Variants in MYOZ3 observed in about 807,000 individuals in gnomAD.
The protein encoded by MYOZ3 is myozenin 3, also known as myozenin-3.
A neutral mutation model predicts 26.5 loss-of-function variants in MYOZ3; 19 were observed. The observed-to-expected ratio is 0.72, with a 90% CI of 0.50 to 1.05. The LOEUF (loss-of-function observed/expected upper bound fraction) is 1.05, where lower values mean the gene tolerates loss of function less well. MYOZ3 is among the 50% of genes least tolerant of loss of function. The pLI, the probability that MYOZ3 is intolerant of heterozygous loss-of-function variation, is 0.00. For synonymous variants in MYOZ3, 135 were observed against 138.8 expected, an observed-to-expected ratio of 0.97 and a Z score of 0.19; for missense variants, 322 against 337.1, an observed-to-expected ratio of 0.96 and a Z score of 0.35.
chr5:150,672,024 A>G (rs1758923873), intron 5 of MYOZ3, 116 bp downstream of exon 5: 3 of 1,350,038 alleles, frequency 2.2e-6, no homozygotes, highest in Middle Eastern at 2.2e-4. Flanking sequence ...CCCAACACAC[A>G]CGCGCACGCG....
intron 2 of MYOZ3, among the ~76,000 whole-genome samples, 155 bp downstream of exon 2, chr5:150,663,157 T>A (rs1212495516): frequency 6.6e-6 from 1 of 152,242 alleles, no homozygotes; most frequent in Non-Finnish European, 1.5e-5. Flanking sequence ...CTGCCTAGGC[T>A]GGGAAGCTTC....
intron 3 of MYOZ3, chr5:150,670,905 A>AAAAAAAAAAAGCT (rs1758896048): frequency 3.7e-6 from 1 of 267,812 alleles, no homozygotes; most frequent in African/African-American, 2.2e-5. Context: ...AAAAAAAAAA[A>AAAAAAAAAAAGCT]AAAAGCTAAG....
At chr5:150,665,704 T>C (rs1758797530) in intron 2 of MYOZ3, among the ~76,000 whole-genome samples, 1 of 152,042 alleles carries the variant, frequency 6.6e-6, no homozygotes, top group African/African-American at 2.4e-5. Flanking sequence ...GCTGGGATTA[T>C]AGTTGTGAGC....
At chr5:150,671,545 TC>T in intron 3 of MYOZ3, 51 bp from the exon 4 acceptor site, 1 of 1,602,890 alleles carries the variant, frequency 6.2e-7, no homozygotes, top group Non-Finnish European at 8.5e-7. Context: ...AGAACCCTGG[TC>T]CCCTGCCCCG....
At chr5:150,661,176 G>A (rs1023178800), upstream of MYOZ3, 6 of 152,420 alleles carry the variant, frequency 3.9e-5, no homozygotes, top group Non-Finnish European at 7.3e-5. Flanking sequence ...TCTTCCCTAG[G>A]GTCTGGTGCT....
chr5:150,666,470 C>T (rs1300205182), intron 2 of MYOZ3, among the ~76,000 whole-genome samples: 1 of 151,588 alleles, frequency 6.6e-6, no homozygotes, highest in Non-Finnish European at 1.5e-5. Context: ...AAAAATTAGC[C>T]GTGCGTGGTG....
intron 2 of MYOZ3, among the ~76,000 whole-genome samples, chr5:150,666,629 AAAT>A (rs1403976401): frequency 1.3e-4 from 18 of 139,014 alleles, no homozygotes; most frequent in African/African-American, 3.9e-4. Flanking sequence ...AAAAAAAAAA[AAAT>A]ATATATATAT....
intron 6 of MYOZ3, among the ~76,000 whole-genome samples, chr5:150,676,452 G>C (rs997849832): frequency 6.6e-6 from 1 of 150,564 alleles, no homozygotes; most frequent in African/African-American, 2.5e-5. Context: ...GCTGAGGCAG[G>C]AGAATTGATT....
Position 150,676,804 on chromosome 5 carries a change from C to T in MYOZ3, c.685C>T (p.Arg229Cys), listed in dbSNP as rs150546422. The T allele has an allele frequency of 6.5e-5, 105 of 1,613,972 alleles. No homozygotes were observed. The African/African-American group carries it at 9.9e-4, about 15-fold the overall frequency. ...GCCCCTCAGTGGCTTGGAACTCCTC[C>T]GTCTCAGACCCAGCTTCAACAGAGT... ...PEPLSGLELL[R>C]LRPSFNRVAQ... The change falls in exon 7 of 7, where the codon CGT becomes TGT. Residue 229 changes from arginine to cysteine, a missense_variant. Coordinates refer to ENST00000517768, the MANE Select transcript of MYOZ3 (RefSeq NM_001122853.3).
chr5:150,673,739 T>G (rs1311538760), intron 6 of MYOZ3, among the ~76,000 whole-genome samples: 2 of 152,126 alleles, frequency 1.3e-5, no homozygotes, highest in Non-Finnish European at 2.9e-5. Flanking sequence ...AAACAAACCA[T>G]AGGAATCAAG....
chr5:150,663,170 T>C (rs1429647751), intron 2 of MYOZ3, among the ~76,000 whole-genome samples, 168 bp downstream of exon 2: 1 of 152,230 alleles, frequency 6.6e-6, no homozygotes, highest in Non-Finnish European at 1.5e-5. Flanking sequence ...GAAGCTTCCC[T>C]GAGGCACTGG....
upstream of MYOZ3, chr5:150,660,933 G>A (rs1347235515): frequency 8.8e-6 from 1 of 114,140 alleles, no homozygotes; most frequent in African/African-American, 3.5e-5. Flanking sequence ...AAGATATTGA[G>A]GAGCAATTCA....
Position 150,672,329 on chromosome 5 carries a change from C to T in MYOZ3, c.425-11C>T, listed in dbSNP as rs1247330572. Reference sequence around the variant, plus strand: ...AAGAACGGAGGCGCTCCCTTCCCCCCGCGCCCCTAGGCTATGCGGAGCCGC... The same window carrying T: ...AAGAACGGAGGCGCTCCCTTCCCCCTGCGCCCCTAGGCTATGCGGAGCCGC... On this transcript the variant is annotated splice_polypyrimidine_tract_variant and intron_variant, in intron 5 of 6. Transcript: ENST00000517768. The T allele has an allele frequency of 7.5e-6, 12 of 1,591,198 alleles. No individual in the cohort carries two copies. Among genetic ancestry groups the T allele is most frequent in the Non-Finnish European group, 9.4e-6 (11 of 1,169,644 alleles).
At chr5:150,664,301 A>G (rs930621287) in intron 2 of MYOZ3, among the ~76,000 whole-genome samples, 2 of 152,080 alleles carry the variant, frequency 1.3e-5, no homozygotes, top group Non-Finnish European at 1.5e-5. Context: ...TGCACATTCT[A>G]TGGGTACTGA....
chr5:150,661,023 A>G (rs1056810512), upstream of MYOZ3: 4 of 152,360 alleles, frequency 2.6e-5, no homozygotes, highest in African/African-American at 9.6e-5. Context: ...TCTTGGCACT[A>G]AGGATATAAC....
intron 6 of MYOZ3, among the ~76,000 whole-genome samples, chr5:150,674,991 C>T (rs886986561): frequency 6.6e-6 from 1 of 152,240 alleles, no homozygotes; most frequent in East Asian, 1.9e-4. Context: ...GCCTGAGTGA[C>T]AGAGCAAGAC....
intron 2 of MYOZ3, among the ~76,000 whole-genome samples, chr5:150,667,166 C>A (rs1371455232): frequency 6.6e-6 from 1 of 152,060 alleles, no homozygotes; most frequent in Non-Finnish European, 1.5e-5. Flanking sequence ...TTTAGGATTC[C>A]ATTGACTGGC....
rs866693347 is a variant in MYOZ3, at chr5:150,665,019, T to A, written c.61+2017T>A. The stretch of plus-strand genomic sequence containing the variant: ...AATACTATATGCTATGTTCTTTGGC[T>A]TTTTTTTTTTTTCATTTAGCAGCAT... On this transcript the variant is annotated intron_variant, in intron 2 of 6. Transcript: ENST00000517768. Among the ~76,000 whole-genome samples, 349 of 140,550 alleles carry A rather than the reference T, an allele frequency of 2.5e-3. 2 individuals carry two copies. The highest frequency in any genetic ancestry group is 8.5e-3 in the African/African-American group (329 of 38,554). The allele number at this position is 140,550 out of a possible 152,430, so 92.2% of individuals were successfully genotyped here.
At chr5:150,668,705 G>C (rs1291921870) in intron 2 of MYOZ3, among the ~76,000 whole-genome samples, 1 of 152,202 alleles carries the variant, frequency 6.6e-6, no homozygotes, top group Admixed American at 6.5e-5. Context: ...TGTCCCCTCT[G>C]TCCTGCAAAA....
Sources: gnomAD v4.1 joint callset for allele counts (sites outside exome capture counted in the v4.1 genomes callset) on GRCh38, gnomAD v4.1.1 for gene constraint, MANE v1.5 for transcripts, NCBI Gene and HGNC (gene_info 2026-07-23, HGNC 2026-07-21) for gene names.